RSRC1: variants seen among roughly 807,000 people sequenced by gnomAD.
RSRC1 encodes the protein serine/Arginine-related protein 53.
Under a neutral mutation model 49.1 loss-of-function variants are expected in RSRC1, and 39 were observed. The ratio of observed to expected loss-of-function variants is 0.79; its 90% CI spans 0.61 to 1.04. The LOEUF (loss-of-function observed/expected upper bound fraction) is 1.04. Among genes scored for constraint, RSRC1 ranks in the 50% least tolerant of loss-of-function variants. The pLI, the probability that RSRC1 is intolerant of heterozygous loss-of-function variation, is 0.00. For missense variants in RSRC1, 388 were observed against 402.4 expected (o/e 0.96, Z 0.31); for synonymous variants, 143 against 130.8 (o/e 1.09, Z -0.63).
At chr3:158,359,183 T>G (rs1021424431) in intron 6 of RSRC1, among the ~76,000 whole-genome samples, 1 of 152,190 alleles carries the variant, frequency 6.6e-6, no homozygotes, top group Non-Finnish European at 1.5e-5. Flanking sequence ...CCAATAGCAG[T>G]GTATAAAACA....
At chr3:158,201,699 C>T (rs201327072) in intron 3 of RSRC1, among the ~76,000 whole-genome samples, 13 of 151,922 alleles carry the variant, frequency 8.6e-5, no homozygotes, top group East Asian at 7.7e-4. Context: ...AATTTTTTTT[C>T]GTATTCTGGT....
In RSRC1 at chr3:158,537,150, T is replaced by C. The variant is rs1490564002; in HGVS notation, c.711T>C (p.Ser237=). Reference sequence around the variant, plus strand: ...TAAAAGAAATTGAAGCTATTGAAAGTGATTCTTTTGTTCAGCAGACATTCA... The same window carrying C: ...TAAAAGAAATTGAAGCTATTGAAAGCGATTCTTTTGTTCAGCAGACATTCA... The part of the protein sequence containing the change: ...KRVKEIEAIE[S]DSFVQQTFRS... The change falls in exon 8 of 10, where the codon AGT becomes AGC. Residue 237 remains serine, a synonymous_variant. Transcript: ENST00000611884. 1 of 1,602,598 alleles carries C rather than the reference T, an allele frequency of 6.2e-7. No homozygotes were observed. Among genetic ancestry groups the C allele is most frequent in the Non-Finnish European group, 8.5e-7 (1 of 1,175,072 alleles).
At chr3:158,289,799 T>A (rs1215292664) in intron 4 of RSRC1, among the ~76,000 whole-genome samples, 3 of 152,148 alleles carry the variant, frequency 2.0e-5, no homozygotes, top group Non-Finnish European at 4.4e-5. Flanking sequence ...AAATAGAAAT[T>A]ATTTTTGCTT....
At position 158,470,697 on chromosome 3, in the gene RSRC1, G is replaced by C. The variant is rs1330849252; in HGVS notation, c.652+9694G>C. Among the ~76,000 whole-genome samples, 3 of 152,050 alleles carry C rather than the reference G, an allele frequency of 2.0e-5. No homozygotes were observed. In the East Asian group the frequency reaches 5.8e-4, roughly 29 times the overall value. ...GATAACTTACCACTGTTTTAAAATA[G>C]AGAAAGCTGAATTTATGTATATAAA... On this transcript the variant is annotated intron_variant, in intron 7 of 9. Coordinates refer to ENST00000611884, the MANE Select transcript of RSRC1 (RefSeq NM_001271838.2).
intron 7 of RSRC1, among the ~76,000 whole-genome samples, chr3:158,471,180 A>C (rs1738119505): frequency 6.6e-6 from 1 of 152,218 alleles, no homozygotes; most frequent in South Asian, 2.1e-4. Flanking sequence ...TCCTTAAGGC[A>C]GAACTAGTCC....
intron 3 of RSRC1, among the ~76,000 whole-genome samples, chr3:158,180,832 TC>T (rs1261374549): frequency 8.2e-6 from 1 of 122,656 alleles, no homozygotes; most frequent in African/African-American, 3.2e-5. Context: ...TGAGATGGAG[TC>T]TCGCGCTGTC....
chr3:158,353,995 CTTTTTTTT>C (rs1230649090), intron 5 of RSRC1, among the ~76,000 whole-genome samples: 1 of 96,304 alleles, frequency 1.0e-5, no homozygotes, highest in African/African-American at 4.1e-5. Context: ...GTTTCTTTTT[CTTTTTTTT>C]TTTTTTTTTT....
At chr3:158,171,525 A>G (rs1718881384) in intron 3 of RSRC1, among the ~76,000 whole-genome samples, 1 of 152,182 alleles carries the variant, frequency 6.6e-6, no homozygotes, top group East Asian at 1.9e-4. Flanking sequence ...AGAACTTTTT[A>G]GTAGAGAAAT....
At chr3:158,408,981 C>T (rs146416097) in intron 6 of RSRC1, among the ~76,000 whole-genome samples, 3,055 of 151,826 alleles carry the variant, frequency 0.02, 82 homozygotes, top group African/African-American at 0.07. Flanking sequence ...TGCAGTGAGC[C>T]GAGATCACGC....
intron 5 of RSRC1, among the ~76,000 whole-genome samples, chr3:158,311,136 A>G (rs777506763): frequency 2.0e-5 from 3 of 151,862 alleles, no homozygotes; most frequent in Non-Finnish European, 3.0e-5. Context: ...CCTATACTGA[A>G]CTACCATACC....
At chr3:158,159,155 G>A (rs535226269) in intron 3 of RSRC1, among the ~76,000 whole-genome samples, 16 of 152,210 alleles carry the variant, frequency 1.1e-4, no homozygotes, top group Non-Finnish European at 1.9e-4. Context: ...CTAGTGTTCA[G>A]AGACTGACTG....
At chr3:158,310,229 T>C (rs1728054406) in intron 5 of RSRC1, among the ~76,000 whole-genome samples, 2 of 151,674 alleles carry the variant, frequency 1.3e-5, no homozygotes, top group Non-Finnish European at 3.0e-5. Flanking sequence ...TAGCATATTT[T>C]TCATAATTGA....
chr3:158,480,816 TG>T (rs1738579391), intron 7 of RSRC1, among the ~76,000 whole-genome samples: 1 of 152,090 alleles, frequency 6.6e-6, no homozygotes, highest in Admixed American at 6.6e-5. Flanking sequence ...TGTCTTTAAA[TG>T]TATTGTTTAA....
At chr3:158,498,856 C>T (rs6802223) in intron 7 of RSRC1, among the ~76,000 whole-genome samples, 14,505 of 152,114 alleles carry the variant, frequency 0.095, 798 homozygotes, top group African/African-American at 0.14. Flanking sequence ...TTTTTGTTTG[C>T]TTTGTCGAAG....
intron 4 of RSRC1, among the ~76,000 whole-genome samples, chr3:158,240,139 A>G (rs1025125631): frequency 2.0e-5 from 3 of 152,112 alleles, no homozygotes; most frequent in Admixed American, 1.3e-4. Context: ...AAATATCTTG[A>G]ATGTATTTTG....
chr3:158,346,794 A>G (rs573452929), intron 5 of RSRC1, among the ~76,000 whole-genome samples: 1 of 152,366 alleles, frequency 6.6e-6, no homozygotes, highest in Non-Finnish European at 1.5e-5. Flanking sequence ...ATGAAAGCAC[A>G]TATTTATACA....
At chr3:158,408,991 C>T (rs565721881) in intron 6 of RSRC1, among the ~76,000 whole-genome samples, 10 of 152,116 alleles carry the variant, frequency 6.6e-5, no homozygotes, top group Admixed American at 3.3e-4. Context: ...CGAGATCACG[C>T]TACTGCACTC....
intron 4 of RSRC1, among the ~76,000 whole-genome samples, chr3:158,234,828 C>T (rs954728390): frequency 2.0e-5 from 3 of 152,042 alleles, no homozygotes; most frequent in African/African-American, 7.2e-5. Flanking sequence ...CCTAGTTAGT[C>T]GTGAGTCCAT....
intron 5 of RSRC1, among the ~76,000 whole-genome samples, chr3:158,340,555 A>T (rs1370591848): frequency 3.3e-5 from 5 of 152,184 alleles, no homozygotes; most frequent in African/African-American, 9.7e-5. Flanking sequence ...AAAGAAAAAG[A>T]AAAGAAAGAC....
Sources: gnomAD v4.1 joint callset for allele counts (sites outside exome capture counted in the v4.1 genomes callset) on GRCh38, gnomAD v4.1.1 for gene constraint, MANE v1.5 for transcripts, NCBI Gene and HGNC (gene_info 2026-07-23, HGNC 2026-07-21) for gene names.